The following SLC35F4 variants were observed in gnomAD, a reference collection of about 807,000 sequenced individuals.
SLC35F4 encodes the protein chromosome 14 open reading frame 36.
In SLC35F4, 24 loss-of-function variants were observed where a neutral mutation model predicts 44.2. The observed-to-expected ratio is 0.54, with a 90% CI of 0.39 to 0.76. SLC35F4 has a LOEUF of 0.76. SLC35F4 is among the 30% of genes least tolerant of loss of function. SLC35F4 has a pLI of 0.00. For synonymous variants in SLC35F4, 238 were observed against 223.6 expected (o/e 1.06, Z -0.57); for missense variants, 562 against 586.1 (o/e 0.96, Z 0.42).
At chr14:57,598,385 AAAG>A (rs1289840507) in intron 1 of SLC35F4, among the ~76,000 whole-genome samples, 3 of 152,208 alleles carry the variant, frequency 2.0e-5, no homozygotes, top group Admixed American at 6.5e-5. Context: ...AGCTCCCAGG[AAAG>A]AAGGAGTGGA....
chr14:57,733,986 T>C (rs937735561), intron 1 of SLC35F4, among the ~76,000 whole-genome samples: 13 of 152,218 alleles, frequency 8.5e-5, no homozygotes, highest in South Asian at 2.1e-4. Context: ...TCTTAGTACA[T>C]ATCATCTATT....
intron 1 of SLC35F4, among the ~76,000 whole-genome samples, chr14:57,742,038 C>A (rs1456453443): frequency 1.3e-5 from 2 of 152,124 alleles, no homozygotes; most frequent in Admixed American, 6.6e-5. Flanking sequence ...GATTTTGTCA[C>A]CACCAGGCCT....
chr14:57,795,153 T>C (rs1025665674), intron 1 of SLC35F4, among the ~76,000 whole-genome samples: 1 of 152,184 alleles, frequency 6.6e-6, no homozygotes, highest in Admixed American at 6.5e-5. Context: ...TAAATGTTAG[T>C]AGCTAATATT....
At chr14:57,666,687 T>A (rs908743420) in intron 1 of SLC35F4, among the ~76,000 whole-genome samples, 1 of 150,284 alleles carries the variant, frequency 6.7e-6, no homozygotes, top group South Asian at 2.1e-4. Context: ...AAAACAAGCA[T>A]GATGGCCAAA....
At chr14:57,850,996 C>A (rs1566904228) in intron 1 of SLC35F4, among the ~76,000 whole-genome samples, 1 of 152,066 alleles carries the variant, frequency 6.6e-6, no homozygotes, top group African/African-American at 2.4e-5. Flanking sequence ...CCTCTTCCTG[C>A]AAAAAAGCTA....
At chr14:57,587,870 CAAAAAAA>C (rs60521934) in intron 3 of SLC35F4, among the ~76,000 whole-genome samples, 14 of 125,010 alleles carry the variant, frequency 1.1e-4, no homozygotes, top group Non-Finnish European at 1.5e-4. Context: ...ATGCACCTTC[CAAAAAAA>C]AAAAAAAAAA....
chr14:57,618,027 T>C (rs2071950608), intron 1 of SLC35F4, among the ~76,000 whole-genome samples: 1 of 152,106 alleles, frequency 6.6e-6, no homozygotes, highest in Non-Finnish European at 1.5e-5. Context: ...ATGATGAGAG[T>C]TGTTTTCTTT....
intron 1 of SLC35F4, among the ~76,000 whole-genome samples, chr14:57,880,065 GA>G (rs1758180974): frequency 8.3e-6 from 1 of 120,262 alleles, no homozygotes; most frequent in Non-Finnish European, 1.9e-5. Flanking sequence ...AGGAAGGAAG[GA>G]AGGAAGGAAG....
intron 1 of SLC35F4, among the ~76,000 whole-genome samples, chr14:57,860,116 G>A (rs1273016848): frequency 6.6e-6 from 1 of 152,142 alleles, no homozygotes; most frequent in Non-Finnish European, 1.5e-5. Flanking sequence ...TAGAACTTTG[G>A]GGAATGCTAA....
intron 1 of SLC35F4, among the ~76,000 whole-genome samples, chr14:57,758,325 A>T (rs2077044320): frequency 6.6e-6 from 1 of 152,076 alleles, no homozygotes; most frequent in Non-Finnish European, 1.5e-5. Context: ...ATTGTTGTAC[A>T]GTTGAGTAAT....
At chr14:57,713,911 C>T (rs2075872248) in intron 1 of SLC35F4, among the ~76,000 whole-genome samples, 1 of 152,172 alleles carries the variant, frequency 6.6e-6, no homozygotes, top group South Asian at 2.1e-4. Context: ...CTACCTCCCC[C>T]ACCCCCCATG....
In SLC35F4 at chr14:57,675,488, A is replaced by G. The variant is rs148945376; in HGVS notation, c.104-81364T>C. Among the ~76,000 whole-genome samples the G allele has an allele frequency of 6.8e-3, 1,034 of 152,120 alleles. 14 individuals carry two copies. Among genetic ancestry groups the G allele is most frequent in the African/African-American group, 0.023 (964 of 41,436 alleles). Reference sequence around the variant, plus strand: ...CAACAATTTGACTTCCTCTTTTCCAATTTAGATGCCCTTTATTTCTTTCTC... The same window carrying G: ...CAACAATTTGACTTCCTCTTTTCCAGTTTAGATGCCCTTTATTTCTTTCTC... On this transcript the variant is annotated intron_variant, in intron 1 of 7. Transcript: ENST00000556826.
chr14:57,870,160 G>C (rs1026257904), upstream of SLC35F4, among the ~76,000 whole-genome samples: 12 of 147,234 alleles, frequency 8.2e-5, no homozygotes, highest in African/African-American at 2.9e-4. Flanking sequence ...GTGTGTGTCT[G>C]TGTCTCTCCC....
At chr14:57,790,417 A>C (rs908990962) in intron 1 of SLC35F4, among the ~76,000 whole-genome samples, 9 of 152,158 alleles carry the variant, frequency 5.9e-5, no homozygotes, top group Non-Finnish European at 8.8e-5. Flanking sequence ...ACCTAGGAAT[A>C]CAACTTACAA....
intron 1 of SLC35F4, among the ~76,000 whole-genome samples, chr14:57,720,860 G>A (rs536769367): frequency 6.6e-6 from 1 of 151,794 alleles, no homozygotes; most frequent in East Asian, 1.9e-4. Context: ...GATGCTTCCT[G>A]TCCTCAAACA....
At chr14:57,679,590 G>T (rs2074821343) in intron 1 of SLC35F4, among the ~76,000 whole-genome samples, 1 of 151,876 alleles carries the variant, frequency 6.6e-6, no homozygotes, top group Non-Finnish European at 1.5e-5. Context: ...CCAGGAGCTG[G>T]TTTTTTCAAA....
intron 1 of SLC35F4, among the ~76,000 whole-genome samples, chr14:57,607,579 C>T (rs754130352): frequency 6.6e-6 from 1 of 152,190 alleles, no homozygotes; most frequent in African/African-American, 2.4e-5. Context: ...TCCTGCTGTC[C>T]CTTCAAAGTC....
At chr14:57,818,271 G>T (rs576787121) in intron 1 of SLC35F4, among the ~76,000 whole-genome samples, 1 of 152,072 alleles carries the variant, frequency 6.6e-6, no homozygotes, top group Non-Finnish European at 1.5e-5. Flanking sequence ...TCAGCATTCC[G>T]CTCAGTAACC....
At chr14:57,811,322 C>A (rs1318297260) in intron 1 of SLC35F4, among the ~76,000 whole-genome samples, 1 of 152,172 alleles carries the variant, frequency 6.6e-6, no homozygotes, top group Non-Finnish European at 1.5e-5. Context: ...GTTACATAAT[C>A]TTTCTGAGCC....
Sources: allele counts gnomAD v4.1 joint callset (sites outside exome capture counted in the v4.1 genomes callset), GRCh38; gene constraint gnomAD v4.1.1; transcripts MANE v1.5; gene names NCBI Gene and HGNC (gene_info 2026-07-23, HGNC 2026-07-21).